The following ERO1B variants were observed in gnomAD, a reference collection of about 807,000 sequenced individuals.
ERO1B encodes the protein endoplasmic reticulum oxidoreductase 1 beta, also known as ERO1-like protein beta.
Under a neutral mutation model 75.3 loss-of-function variants are expected in ERO1B, and 49 were observed. The ratio of observed to expected loss-of-function variants is 0.65; its 90% CI spans 0.52 to 0.83. The LOEUF (loss-of-function observed/expected upper bound fraction) is 0.83. ERO1B is among the 40% of genes least tolerant of loss of function. The pLI is 0.00. For synonymous variants in ERO1B, 191 were observed against 192.9 expected (o/e 0.99, Z 0.08); for missense variants, 512 against 560.1 (o/e 0.91, Z 0.87).
intron 13 of ERO1B, among the ~76,000 whole-genome samples, chr1:236,222,794 G>A (rs1206162905): frequency 6.6e-6 from 1 of 152,144 alleles, no homozygotes; most frequent in Non-Finnish European, 1.5e-5. Context: ...TGTCATGGTT[G>A]CTCAATCAAT....
intron 2 of ERO1B, among the ~76,000 whole-genome samples, chr1:236,263,821 G>A (rs936614204): frequency 1.1e-5 from 1 of 89,136 alleles, no homozygotes; most frequent in Non-Finnish European, 2.1e-5. Context: ...CAGTAGTATC[G>A]CTATGTTGCC....
intron 6 of ERO1B, 119 bp from the exon 7 acceptor site, chr1:236,236,517 T>A: frequency 9.4e-7 from 1 of 1,068,962 alleles, no homozygotes; most frequent in Non-Finnish European, 1.3e-6. Context: ...TCAAGTAATC[T>A]CCAACTTAAA....
chr1:236,258,442 C>T (rs1217857965), intron 2 of ERO1B, among the ~76,000 whole-genome samples: 1 of 152,048 alleles, frequency 6.6e-6, no homozygotes, highest in African/African-American at 2.4e-5. Context: ...ATACTATATC[C>T]AGTGATCCTG....
intron 4 of ERO1B, chr1:236,251,581 CG>C (rs892241293): frequency 4.6e-5 from 21 of 459,658 alleles, no homozygotes; most frequent in African/African-American, 3.6e-4. Context: ...AGGAAATAAA[CG>C]GTTCTCTAAA....
At chr1:236,244,732 T>A (rs550871454) in intron 5 of ERO1B, among the ~76,000 whole-genome samples, 1 of 152,136 alleles carries the variant, frequency 6.6e-6, no homozygotes, top group Non-Finnish European at 1.5e-5. Flanking sequence ...CGAAAAAACA[T>A]TGAATGTGCA....
Position 236,253,474 on chromosome 1 carries a change from G to C in ERO1B, c.254C>G (p.Ala85Gly), listed in dbSNP as rs778136391. Residue 85 changes from alanine (A) to glycine (G), a missense_variant, in exon 3 of 16, where the codon GCA (alanine) becomes GGA (glycine). Transcript: ENST00000354619. ...VNLKRPCPFW[A>G]EDGHCSIKDC... ...TTTTATTGAACAGTGGCCATCTTCTGCCCAGAAAGGACAAGGTCGCTTCAG... is the reference window on the plus strand; with the variant it reads ...TTTTATTGAACAGTGGCCATCTTCTCCCCAGAAAGGACAAGGTCGCTTCAG... 34 of 1,610,430 alleles carry C rather than the reference G, an allele frequency of 2.1e-5. No homozygotes were observed. Among genetic ancestry groups the C allele is most frequent in the Non-Finnish European group, 2.8e-5 (33 of 1,177,950 alleles).
intron 1 of ERO1B, among the ~76,000 whole-genome samples, chr1:236,278,405 A>C (rs1334814947): frequency 6.6e-6 from 1 of 151,894 alleles, no homozygotes; most frequent in Non-Finnish European, 1.5e-5. Context: ...CCTCAATATA[A>C]GGGTAAACGA....
At position 236,218,563 on chromosome 1, in the gene ERO1B, T is replaced by C. The variant is rs895437225; in HGVS notation, c.1357A>G (p.Ile453Val). ...LNAFGRLSTS[I>V]RDLQNFKVLL... Reference sequence around the variant, plus strand: ...ACTTTAAAATTCTGTAAGTCTCTTATACTTGTAGAAAGCCTATGGAAGAAA... The same window carrying C: ...ACTTTAAAATTCTGTAAGTCTCTTACACTTGTAGAAAGCCTATGGAAGAAA... The change falls in exon 16 of 16, where the codon ATA becomes GTA. Residue 453 changes from isoleucine to valine, a missense_variant. Ile to Val is a conservative substitution (Grantham distance 29). Transcript: ENST00000354619. The C allele has an allele frequency of 7.2e-6, 10 of 1,389,554 alleles. No homozygotes were observed. The highest frequency in any genetic ancestry group is 7.6e-6 in the Non-Finnish European group (8 of 1,058,282). The allele number at this position is 1,389,554 out of a possible 1,614,324, so 86.1% of individuals were successfully genotyped here. A position where few individuals can be genotyped will look rare whatever the true frequency, so the allele number is the denominator to read the frequency against.
At chr1:236,219,157 G>T (rs1040066540) in intron 15 of ERO1B, among the ~76,000 whole-genome samples, 37 of 152,122 alleles carry the variant, frequency 2.4e-4, no homozygotes, top group African/African-American at 8.9e-4. Context: ...GGTGATAGAA[G>T]AAAAATCTTT....
intron 1 of ERO1B, among the ~76,000 whole-genome samples, chr1:236,274,118 G>A (rs1353804279): frequency 6.6e-6 from 1 of 151,722 alleles, no homozygotes; most frequent in Non-Finnish European, 1.5e-5. Context: ...CGAGTAGCTG[G>A]GACTACAGGC....
At chr1:236,257,154 T>A (rs1349650673) in intron 2 of ERO1B, among the ~76,000 whole-genome samples, 1 of 152,194 alleles carries the variant, frequency 6.6e-6, no homozygotes, top group Admixed American at 6.5e-5. Context: ...TGGAGGCCAC[T>A]AAGAACAGAG....
At chr1:236,248,013 A>G (rs1313665542) in intron 5 of ERO1B, among the ~76,000 whole-genome samples, 1 of 152,088 alleles carries the variant, frequency 6.6e-6, no homozygotes, top group Non-Finnish European at 1.5e-5. Flanking sequence ...CCTAGCATTC[A>G]TCATCATTTT....
chr1:236,263,777 GCTTTTTTT>G (rs1378750756), intron 2 of ERO1B, among the ~76,000 whole-genome samples: 5 of 82,536 alleles, frequency 6.1e-5, no homozygotes, highest in African/African-American at 2.4e-4. Flanking sequence ...TATTTTGTTT[GCTTTTTTT>G]TTTTTTTTTT....
rs1344680724 is a variant in ERO1B, at chr1:236,242,624, G to C, written c.505+798C>G. 2.0e-5 allele frequency among the ~76,000 whole-genome samples: 3 copies of C among 151,924 alleles called. No individual in the cohort carries two copies. The East Asian group carries it at 5.8e-4, about 29-fold the overall frequency. On this transcript the variant is annotated intron_variant, in intron 6 of 15. Coordinates refer to ENST00000354619, the MANE Select transcript of ERO1B (RefSeq NM_019891.4). ...ATCTTTTTTAAAACTTTAGAAAGCAGAGCATTCTAGATACTTGAAGAGTTC... is the reference window on the plus strand; with the variant it reads ...ATCTTTTTTAAAACTTTAGAAAGCACAGCATTCTAGATACTTGAAGAGTTC...
chr1:236,251,193 TTATTAA>T (rs67271424), intron 4 of ERO1B, among the ~76,000 whole-genome samples: 10,376 of 151,686 alleles, frequency 0.068, 728 homozygotes, highest in East Asian at 0.39. Context: ...TAGAAAAATA[TTATTAA>T]TATTATTTAA....
Position 236,215,901 on chromosome 1 carries a change from A to G in ERO1B, c.*2615T>C, listed in dbSNP as rs1006533329. On this transcript the variant is annotated 3_prime_UTR_variant, in exon 16 of 16. Transcript: ENST00000354619. Reference sequence around the variant, plus strand: ...TGGCACATAGGCAAAGTTGAAAAACATGGCAGAGTTTCATATACATACAGA... The same window carrying G: ...TGGCACATAGGCAAAGTTGAAAAACGTGGCAGAGTTTCATATACATACAGA... 7 of 146,922 alleles carry G rather than the reference A, an allele frequency of 4.8e-5. No homozygotes were observed. Among genetic ancestry groups the G allele is most frequent in the Admixed American group, 1.4e-4 (2 of 14,320 alleles). The allele number at this position is 146,922 out of a possible 1,614,324, so 9.1% of individuals were successfully genotyped here. A position where few individuals can be genotyped will look rare whatever the true frequency, so the allele number is the denominator to read the frequency against.
At chr1:236,279,716 GC>G (rs1665787610) in intron 1 of ERO1B, among the ~76,000 whole-genome samples, 1 of 150,612 alleles carries the variant, frequency 6.6e-6, no homozygotes, top group Admixed American at 6.6e-5. Context: ...GCGGTGGCAA[GC>G]ACCTGTAATC....
chr1:236,239,963 G>A lies in ERO1B; in HGVS notation c.505+3459C>T, dbSNP rs545938005. Reference sequence around the variant, plus strand: ...TCTGTTGAGCAGTGGGGAGTGCAATGGCATGGTCTCAGCTCAATGCAACCT... The same window carrying A: ...TCTGTTGAGCAGTGGGGAGTGCAATAGCATGGTCTCAGCTCAATGCAACCT... On this transcript the variant is annotated intron_variant, in intron 6 of 15. Transcript: ENST00000354619. Among the ~76,000 whole-genome samples the A allele has an allele frequency of 4.8e-5, 7 of 146,228 alleles. No individual in the cohort carries two copies. In the East Asian group the frequency reaches 1.0e-3, roughly 21 times the overall value.
chr1:236,264,902 T>G (rs1665397303), intron 2 of ERO1B, among the ~76,000 whole-genome samples: 1 of 151,970 alleles, frequency 6.6e-6, no homozygotes, highest in Non-Finnish European at 1.5e-5. Flanking sequence ...AGGGGTACAA[T>G]GCACACTATC....
Sources: gnomAD v4.1 joint callset for allele counts (sites outside exome capture counted in the v4.1 genomes callset) on GRCh38, gnomAD v4.1.1 for gene constraint, MANE v1.5 for transcripts, NCBI Gene and HGNC (gene_info 2026-07-23, HGNC 2026-07-21) for gene names.